CLOCK: variants seen among roughly 807,000 people sequenced by gnomAD.
CLOCK encodes the protein clock circadian regulator, also known as circadian locomoter output cycles protein kaput.
CLOCK carries 43 observed loss-of-function variants against 118.4 expected under a neutral mutation model. That is an observed-to-expected ratio of 0.36 (90% CI 0.28 to 0.47). CLOCK has a LOEUF of 0.47. CLOCK is among the 20% of genes least tolerant of loss of function. CLOCK has a pLI of 1.00. For synonymous variants in CLOCK, 326 were observed against 339.2 expected (o/e 0.96, Z 0.43); for missense variants, 846 against 999.9 (o/e 0.85, Z 2.08).
In CLOCK at chr4:55,539,859, T is replaced by C. The variant is rs564031415; in HGVS notation, c.-290+6923A>G. ...GATGATTCACTGTTAACTGAACAGCTTGCACTGCAGTGGACTACATTAGGA... is the reference window on the plus strand; with the variant it reads ...GATGATTCACTGTTAACTGAACAGCCTGCACTGCAGTGGACTACATTAGGA... On this transcript the variant is annotated intron_variant, in intron 1 of 22. Coordinates refer to ENST00000513440, the MANE Select transcript of CLOCK (RefSeq NM_004898.4). 1.8e-4 allele frequency among the ~76,000 whole-genome samples: 28 copies of C among 152,194 alleles called. No individual in the cohort carries two copies. The South Asian group carries it at 4.4e-3, about 24-fold the overall frequency.
intron 1 of CLOCK, among the ~76,000 whole-genome samples, chr4:55,542,367 ATAATAATAATAATATTAT>A (rs1253833134): frequency 0.067 from 3,099 of 46,516 alleles, 52 homozygotes; most frequent in Non-Finnish European, 0.12. Flanking sequence ...AATAATAATA[ATAATAATAATAATATTAT>A]TATTATTATT....
intron 7 of CLOCK, among the ~76,000 whole-genome samples, chr4:55,473,986 T>C (rs1024121861): frequency 1.3e-5 from 2 of 152,144 alleles, no homozygotes; most frequent in African/African-American, 4.8e-5. Context: ...AACTCTACAA[T>C]GGCCTTTAAG....
chr4:55,467,703 T>C (rs1043599021), intron 8 of CLOCK, among the ~76,000 whole-genome samples: 1 of 152,232 alleles, frequency 6.6e-6, no homozygotes, highest in Non-Finnish European at 1.5e-5. Flanking sequence ...TTTCTTGCTA[T>C]GAAAACAAAT....
chr4:55,525,068 A>T (rs1730090423), intron 1 of CLOCK, among the ~76,000 whole-genome samples: 1 of 152,194 alleles, frequency 6.6e-6, no homozygotes, highest in African/African-American at 2.4e-5. Flanking sequence ...TTATGAATGA[A>T]ATGAAACAAA....
intron 1 of CLOCK, among the ~76,000 whole-genome samples, chr4:55,519,656 T>C (rs1166003546): frequency 6.6e-6 from 1 of 151,882 alleles, no homozygotes; most frequent in Non-Finnish European, 1.5e-5. Context: ...TGCACTTCTG[T>C]AATCCCAGCT....
chr4:55,500,065 A>AG, intron 2 of CLOCK, among the ~76,000 whole-genome samples: 1 of 152,278 alleles, frequency 6.6e-6, no homozygotes, highest in Middle Eastern at 3.4e-3. Context: ...AGAGAAAAAA[A>AG]GGGGGGAATT....
intron 22 of CLOCK, among the ~76,000 whole-genome samples, chr4:55,437,160 T>C (rs994164144): frequency 1.6e-4 from 24 of 152,236 alleles, no homozygotes; most frequent in African/African-American, 5.5e-4. Context: ...TTTAGGCAAC[T>C]AGCCTGTTTT....
At chr4:55,508,533 T>A (rs1448917411) in intron 2 of CLOCK, among the ~76,000 whole-genome samples, 2 of 151,928 alleles carry the variant, frequency 1.3e-5, no homozygotes, top group Non-Finnish European at 2.9e-5. Flanking sequence ...CTATAAATAC[T>A]CCTTCAGCCA....
At chr4:55,534,185 G>A (rs1321157843) in intron 1 of CLOCK, among the ~76,000 whole-genome samples, 3 of 150,156 alleles carry the variant, frequency 2.0e-5, no homozygotes, top group Non-Finnish European at 4.4e-5. Context: ...TGGAGCATCA[G>A]TGCAACAATA....
chr4:55,504,589 A>C (rs1728676947), intron 2 of CLOCK, among the ~76,000 whole-genome samples: 1 of 152,164 alleles, frequency 6.6e-6, no homozygotes, highest in Admixed American at 6.5e-5. Context: ...TATGGAGCTG[A>C]GAACAAAATC....
rs574790634 is a variant in CLOCK, at chr4:55,459,010, A to G, written c.674T>C (p.Val225Ala). Reference sequence around the variant, plus strand: ...AAAACCATTGTGTGCTGAAGAGGATACTAAAACAATAGGGAAATATGTATC... The same window carrying G: ...AAAACCATTGTGTGCTGAAGAGGATGCTAAAACAATAGGGAAATATGTATC... ...FIGNFKSLNS[V>A]SSSAHNGFEG... Residue 225 changes from valine (V) to alanine (A), a missense_variant and splice_region_variant, in exon 11 of 23, where the codon GTA becomes GCA. Val to Ala is a moderately conservative substitution (Grantham distance 64, BLOSUM62 0). Around this residue, in one of 4 missense-constraint regions of CLOCK, gnomAD observed 246 missense variants for 300.2 expected, o/e 0.82. Transcript: ENST00000513440. 53 of 1,607,088 alleles carry G rather than the reference A, an allele frequency of 3.3e-5. No homozygotes were observed. The South Asian group carries it at 5.6e-4, about 17-fold the overall frequency.
intron 1 of CLOCK, among the ~76,000 whole-genome samples, chr4:55,513,449 C>A (rs941225471): frequency 1.3e-5 from 2 of 152,090 alleles, no homozygotes; most frequent in Non-Finnish European, 2.9e-5. Context: ...TGACACATGA[C>A]TGTACTGATG....
chr4:55,504,325 C>T (rs1446574365), intron 2 of CLOCK, among the ~76,000 whole-genome samples: 5 of 146,412 alleles, frequency 3.4e-5, no homozygotes, highest in Non-Finnish European at 7.5e-5. Flanking sequence ...TGAGGCTTCA[C>T]ATCTAAGCTT....
At chr4:55,446,551 G>A (rs987452632) in intron 18 of CLOCK, among the ~76,000 whole-genome samples, 2 of 152,114 alleles carry the variant, frequency 1.3e-5, no homozygotes, top group African/African-American at 4.8e-5. Context: ...ACTATCCTCA[G>A]ATAAGTATAG....
intron 21 of CLOCK, chr4:55,442,186 G>A (rs992588004): frequency 1.2e-5 from 6 of 488,672 alleles, no homozygotes; most frequent in Non-Finnish European, 2.2e-5. Context: ...GTGTGCTGCA[G>A]AATTTGTATT....
chr4:55,442,905 T>C lies in CLOCK; in HGVS notation c.1903-271A>G, dbSNP rs138707338. Among the ~76,000 whole-genome samples, 36 of 152,286 alleles carry C rather than the reference T, an allele frequency of 2.4e-4. No homozygotes were observed. In the East Asian group the frequency reaches 7.0e-3, roughly 29 times the overall value. On this transcript the variant is annotated intron_variant, in intron 20 of 22. Transcript: ENST00000513440. The stretch of plus-strand genomic sequence containing the variant: ...ATAAAATATACTCAAAGAATTTCTG[T>C]TAAATGCCCAAAGTGAATGACTAAT...
rs1266323088 is a variant in CLOCK at position 55,476,066 on chromosome 4, T to C, written c.257-12A>G. 3.8e-6 allele frequency: 6 copies of C among 1,595,064 alleles called. No homozygotes were observed. Among genetic ancestry groups the C allele is most frequent in the South Asian group, 1.1e-5 (1 of 90,502 alleles). ...CTGTGCAGTGATTTCTGTAAACAGA[T>C]TGACATATTAGTGGCATACTCCAAC... On this transcript the variant is annotated splice_polypyrimidine_tract_variant and intron_variant, in intron 6 of 22. Transcript: ENST00000513440.
chr4:55,539,234 AAAAAACAAC>A (rs1488620307), intron 1 of CLOCK, among the ~76,000 whole-genome samples: 4 of 40,382 alleles, frequency 9.9e-5, no homozygotes, highest in Non-Finnish European at 2.1e-4. Flanking sequence ...GACTGTCTCA[AAAAAACAAC>A]AACAACAACA....
At position 55,488,528 on chromosome 4, in the gene CLOCK, C is replaced by G. The variant is rs553559639; in HGVS notation, c.-44+846G>C. ...CCTGATCTCCATATATTCTCCCCAT[C>G]ATTTACTGTATTCCAGTCACATTAT... On this transcript the variant is annotated intron_variant, in intron 3 of 22. Transcript: ENST00000513440. Among the ~76,000 whole-genome samples, 9 of 152,328 alleles carry G rather than the reference C, an allele frequency of 5.9e-5. No individual in the cohort carries two copies. In the East Asian group the frequency reaches 1.7e-3, roughly 29 times the overall value.
Sources: gnomAD v4.1 joint callset for allele counts (sites outside exome capture counted in the v4.1 genomes callset) on GRCh38, gnomAD v4.1.1 for gene constraint, gnomAD v4.1.1 regional missense constraint, MANE v1.5 for transcripts, NCBI Gene and HGNC (gene_info 2026-07-23, HGNC 2026-07-21) for gene names.